ABCB7: variants seen among roughly 807,000 people sequenced by gnomAD.
The protein encoded by ABCB7 is ATP binding cassette subfamily B member 7, also known as iron-sulfur clusters transporter ABCB7, mitochondrial.
In ABCB7, 7 loss-of-function variants were observed where a neutral mutation model predicts 54.4. That is an observed-to-expected ratio of 0.13 (90% CI 0.07 to 0.24). ABCB7 has a LOEUF of 0.24. Among genes scored for constraint, ABCB7 ranks in the 10% least tolerant of loss-of-function variants. ABCB7 has a pLI of 1.00. For synonymous variants in ABCB7, 218 were observed against 207.1 expected (o/e 1.05, Z -0.45); for missense variants, 356 against 570.4 (o/e 0.62, Z 3.83).
chrX:75,053,223 T>C lies in ABCB7; in HGVS notation c.*147A>G, dbSNP rs1351112003. On this transcript the variant is annotated 3_prime_UTR_variant, in exon 16 of 16. Coordinates refer to ENST00000373394, the MANE Select transcript of ABCB7 (RefSeq NM_001271696.3). ...GCCACATTAAATAGACTATGAAAGA[T>C]GTAAAACTCAAATCCCCTTTTAAAT... 1.3e-6 allele frequency: 1 copy of C among 775,058 alleles called. No homozygotes were observed. Among genetic ancestry groups the C allele is most frequent in the Admixed American group, 3.6e-5 (1 of 28,129 alleles). The allele number at this position is 775,058 out of a possible 1,213,427, so 63.9% of individuals were successfully genotyped here.
At chrX:75,124,592 A>G (rs2081908770) in intron 1 of ABCB7, among the ~76,000 whole-genome samples, 1 of 112,100 alleles carries the variant, frequency 8.9e-6, no homozygotes, top group Non-Finnish European at 1.9e-5. Flanking sequence ...AAAAGTTAAG[A>G]AAAAACTCCA....
At chrX:75,131,787 CCT>C (rs1307973298) in intron 1 of ABCB7, among the ~76,000 whole-genome samples, 2 of 111,618 alleles carry the variant, frequency 1.8e-5, no homozygotes, top group Non-Finnish European at 1.9e-5. Context: ...TGGGTAGGGC[CCT>C]CTGACCTGGG....
chrX:75,146,476 A>C (rs2082091927), intron 1 of ABCB7, among the ~76,000 whole-genome samples: 1 of 112,017 alleles, frequency 8.9e-6, no homozygotes, highest in African/African-American at 3.2e-5. Flanking sequence ...ACAGACACAC[A>C]GACCAATGGA....
At chrX:75,123,071 T>A (rs2081894624) in intron 1 of ABCB7, among the ~76,000 whole-genome samples, 1 of 111,523 alleles carries the variant, frequency 9.0e-6, no homozygotes, top group African/African-American at 3.3e-5. Context: ...TTCCACTGAC[T>A]TGAGCTTTTG....
intron 1 of ABCB7, among the ~76,000 whole-genome samples, chrX:75,155,167 A>G (rs925095913): frequency 3.5e-5 from 4 of 113,209 alleles, no homozygotes; most frequent in African/African-American, 1.3e-4. Flanking sequence ...CCTTGAAGGC[A>G]TAACTGTATG....
chrX:75,093,944 C>A (rs2081564608), intron 4 of ABCB7, among the ~76,000 whole-genome samples: 1 of 103,479 alleles, frequency 9.7e-6, no homozygotes, highest in African/African-American at 3.6e-5. Flanking sequence ...TTCATAAAGC[C>A]TTCCCTATAT....
intron 1 of ABCB7, 24 bp from the exon 2 acceptor site, chrX:75,114,855 G>A (rs1569237278): frequency 8.7e-7 from 1 of 1,148,994 alleles, no homozygotes; most frequent in Admixed American, 2.2e-5. Context: ...AAAAAAGTAG[G>A]GGGAAGTTTC....
intron 1 of ABCB7, among the ~76,000 whole-genome samples, chrX:75,150,930 CT>C (rs1339259916): frequency 2.7e-4 from 30 of 111,166 alleles, no homozygotes; most frequent in African/African-American, 9.8e-4. Context: ...GACAAGTGCT[CT>C]TTATCTTGCC....
chrX:75,056,829 T>C (rs777909530), intron 15 of ABCB7, among the ~76,000 whole-genome samples: 1 of 111,782 alleles, frequency 8.9e-6, no homozygotes, highest in South Asian at 3.8e-4. Flanking sequence ...AATCTTACAC[T>C]ATACACAAAA....
chrX:75,082,183 GA>G (rs2081461177), intron 4 of ABCB7, among the ~76,000 whole-genome samples: 1 of 110,628 alleles, frequency 9.0e-6, no homozygotes, highest in African/African-American at 3.3e-5. Flanking sequence ...TAGAGACAGA[GA>G]AAAAAAATCT....
chrX:75,102,658 T>G (rs185031695), intron 3 of ABCB7, among the ~76,000 whole-genome samples: 149 of 111,754 alleles, frequency 1.3e-3, no homozygotes, highest in Admixed American at 2.3e-3. Flanking sequence ...ACCTTTCCTT[T>G]GGATAAATAT....
intron 13 of ABCB7, among the ~76,000 whole-genome samples, chrX:75,062,893 G>T (rs2081291195): frequency 9.0e-6 from 1 of 111,552 alleles, no homozygotes; most frequent in Non-Finnish European, 1.9e-5. Context: ...TAAAAAAGTA[G>T]CATTCAGCCA....
chrX:75,093,081 G>A (rs1371642204), intron 4 of ABCB7, among the ~76,000 whole-genome samples: 1 of 111,981 alleles, frequency 8.9e-6, no homozygotes. Context: ...CAAATGAGAT[G>A]AAAACTTATG....
At chrX:75,075,277 T>C in intron 6 of ABCB7, 85 bp downstream of exon 6, 3 of 1,089,051 alleles carry the variant, frequency 2.8e-6, no homozygotes, top group Non-Finnish European at 3.7e-6. Context: ...CCCATGGGCA[T>C]GCAACAGTAC....
Position 75,069,061 on chromosome X carries a change from A to T in ABCB7, c.1605T>A (p.Asn535Lys). The T allele has an allele frequency of 1.7e-6, 2 of 1,208,483 alleles. No homozygotes were observed. Among genetic ancestry groups the T allele is most frequent in the South Asian group, 3.5e-5 (2 of 56,921 alleles). The change falls in exon 12 of 16, where the codon AAT becomes AAA. Residue 535 changes from asparagine (N) to lysine (K), a missense_variant. Asn to Lys is a moderately conservative substitution (Grantham distance 94, BLOSUM62 0). Transcript: ENST00000373394. ...QKGSIYLAGQ[N>K]IQDVSLESLR... ...GGCTTTCCAGGCTCACATCTTGTAT[A>T]TTTTGACCAGCAAGATAAATGCTAC... is the stretch of plus-strand genomic sequence containing the variant.
At chrX:75,109,026 A>G (rs189496421) in intron 3 of ABCB7, among the ~76,000 whole-genome samples, 136 of 112,127 alleles carry the variant, frequency 1.2e-3, no homozygotes, top group Non-Finnish European at 2.3e-3. Flanking sequence ...ACAATGAAAT[A>G]GCACAATCAC....
At chrX:75,139,999 T>C (rs1602411985) in intron 1 of ABCB7, among the ~76,000 whole-genome samples, 1 of 111,728 alleles carries the variant, frequency 9.0e-6, no homozygotes. Flanking sequence ...TACAAAACTT[T>C]ACCAAAGTAC....
At chrX:75,097,845 T>C (rs1294674828) in intron 4 of ABCB7, among the ~76,000 whole-genome samples, 1 of 112,020 alleles carries the variant, frequency 8.9e-6, no homozygotes, top group Non-Finnish European at 1.9e-5. Flanking sequence ...TATGTTAACT[T>C]ATTTAATCTT....
In ABCB7 at chrX:75,098,992, C is replaced by G. The variant is rs1431567149; in HGVS notation, c.403G>C (p.Asp135His). 3.3e-6 allele frequency: 4 copies of G among 1,209,713 alleles called. No homozygotes were observed. Among genetic ancestry groups the G allele is most frequent in the Non-Finnish European group, 4.5e-6 (4 of 894,949 alleles). Reference sequence around the variant, plus strand: ...GAAATGGCAACTCTAGCTCGTAGATCTGGCCTGTCTTTGGGCCACACATAA... The same window carrying G: ...GAAATGGCAACTCTAGCTCGTAGATGTGGCCTGTCTTTGGGCCACACATAA... ...LSYVWPKDRP[D>H]LRARVAISLG... The change falls in exon 4 of 16, where the codon GAT becomes CAT. Residue 135 changes from aspartate (D) to histidine (H), a missense_variant. Transcript: ENST00000373394.
Sources: allele counts gnomAD v4.1 joint callset (sites outside exome capture counted in the v4.1 genomes callset), GRCh38; gene constraint gnomAD v4.1.1; transcripts MANE v1.5; gene names NCBI Gene and HGNC (gene_info 2026-07-23, HGNC 2026-07-21).